Variants in MAP4 observed in about 807,000 individuals in gnomAD.
MAP4 encodes the protein microtubule associated protein 4, also known as microtubule-associated protein 4.
In MAP4, 76 loss-of-function variants were observed where a neutral mutation model predicts 170.2. The ratio of observed to expected loss-of-function variants is 0.45; its 90% CI spans 0.37 to 0.54. MAP4 has a LOEUF of 0.54. Ranked by LOEUF, MAP4 falls within the 20% of genes least tolerant of loss-of-function variation. MAP4 has a pLI of 0.00. For missense variants in MAP4, 2,506 were observed against 2,748.0 expected (o/e 0.91, Z 1.97); for synonymous variants, 909 against 994.5 (o/e 0.91, Z 1.62).
intron 3 of MAP4, chr3:47,973,923 T>C (rs2154254799): frequency 1.0e-6 from 1 of 985,326 alleles, no homozygotes; most frequent in East Asian, 1.1e-4. Context: ...GCATAACCTC[T>C]TTCCTTTAAA....
intron 1 of MAP4, among the ~76,000 whole-genome samples, chr3:48,023,993 A>G (rs1034706104): frequency 6.6e-6 from 1 of 152,192 alleles, no homozygotes; most frequent in Non-Finnish European, 1.5e-5. Context: ...ATGCAACAGG[A>G]GAAAGTATTT....
chr3:48,080,410 T>C (rs1341174392), intron 1 of MAP4, among the ~76,000 whole-genome samples: 1 of 152,246 alleles, frequency 6.6e-6, no homozygotes, highest in Non-Finnish European at 1.5e-5. Flanking sequence ...TCAATACTGC[T>C]GAAAGTATTT....
intron 4 of MAP4, among the ~76,000 whole-genome samples, chr3:47,925,022 G>C (rs2100045013): frequency 6.6e-6 from 1 of 152,134 alleles, no homozygotes; most frequent in Non-Finnish European, 1.5e-5. Flanking sequence ...ATGTTGGCCA[G>C]GATGGTCTCC....
At chr3:47,948,517 G>A (rs931390849) in intron 3 of MAP4, among the ~76,000 whole-genome samples, 9 of 151,308 alleles carry the variant, frequency 5.9e-5, no homozygotes, top group South Asian at 4.2e-4. Context: ...GAGTCACCAC[G>A]CCCAACCCAT....
At chr3:47,900,708 C>T (rs2100029546) in intron 10 of MAP4, among the ~76,000 whole-genome samples, 1 of 152,132 alleles carries the variant, frequency 6.6e-6, no homozygotes. Flanking sequence ...TGCACTCCAG[C>T]CTGGGCTACA....
intron 1 of MAP4, among the ~76,000 whole-genome samples, chr3:48,024,977 G>A (rs1173209111): frequency 2.0e-5 from 3 of 146,898 alleles, no homozygotes; most frequent in Non-Finnish European, 2.9e-5. Context: ...TTTTGAAGCA[G>A]GGTCTCACTC....
intron 1 of MAP4, among the ~76,000 whole-genome samples, chr3:48,006,474 TC>T (rs1450646235): frequency 3.9e-5 from 6 of 152,044 alleles, no homozygotes; most frequent in Non-Finnish European, 8.8e-5. Flanking sequence ...GCCCAGTGGG[TC>T]CCTGGACTCA....
chr3:48,008,841 C>T (rs914823980), intron 1 of MAP4, among the ~76,000 whole-genome samples: 7 of 152,180 alleles, frequency 4.6e-5, no homozygotes, highest in South Asian at 2.1e-4. Flanking sequence ...CCAAGGCTGA[C>T]CTGGCTACGG....
rs2047971637 is a variant in MAP4 at position 47,853,363 on chromosome 3, A to G, written c.6697-11T>C. On this transcript the variant is annotated splice_polypyrimidine_tract_variant and intron_variant, in intron 19 of 20. Coordinates refer to ENST00000683076, the MANE Select transcript of MAP4 (RefSeq NM_001385682.1). Reference sequence around the variant, plus strand: ...GCCACCGCCCTCAGTCTACAATGAAACAGTGGGGGAGACAGTGCAGGGTCA... The same window carrying G: ...GCCACCGCCCTCAGTCTACAATGAAGCAGTGGGGGAGACAGTGCAGGGTCA... 6.3e-7 allele frequency: 1 copy of G among 1,586,484 alleles called. No homozygotes were observed. Among genetic ancestry groups the G allele is most frequent in the Non-Finnish European group, 8.6e-7 (1 of 1,167,036 alleles).
intron 2 of MAP4, among the ~76,000 whole-genome samples, chr3:47,983,041 A>G (rs960916251): frequency 4.6e-5 from 7 of 151,932 alleles, no homozygotes; most frequent in Non-Finnish European, 8.8e-5. Flanking sequence ...GGTAGCTGGG[A>G]CTACAGGCGT....
chr3:48,062,400 C>G (rs1440930293), intron 1 of MAP4, among the ~76,000 whole-genome samples: 1 of 148,248 alleles, frequency 6.7e-6, no homozygotes, highest in Non-Finnish European at 1.5e-5. Context: ...AACCAGAGAC[C>G]TTTGTTCACT....
At chr3:48,052,518 T>C (rs1024826563) in intron 1 of MAP4, among the ~76,000 whole-genome samples, 2 of 152,166 alleles carry the variant, frequency 1.3e-5, no homozygotes, top group African/African-American at 4.8e-5. Flanking sequence ...CACCGCGTCC[T>C]GCCTGAGTAA....
rs756153345 is a variant in MAP4 at position 48,074,725 on chromosome 3, T to TGTGTGTGTGTGA, written c.-20+14047_-20+14048insTCACACACACAC. ...GTGTGTGTGTGTGTGTGTGTGTGTG[T>TGTGTGTGTGTGA]GATATGTCGGCCAGACTGGTCTCGA... is the stretch of plus-strand genomic sequence containing the variant. On this transcript the variant is annotated intron_variant, in intron 1 of 18. Transcript: ENST00000360240. Among the ~76,000 whole-genome samples the TGTGTGTGTGTGA allele has an allele frequency of 2.9e-3, 421 of 147,336 alleles. 5 individuals carry two copies. Among genetic ancestry groups the TGTGTGTGTGTGA allele is most frequent in the African/African-American group, 8.9e-3 (349 of 39,276 alleles).
At chr3:48,056,448 A>G (rs1579635673) in intron 1 of MAP4, among the ~76,000 whole-genome samples, 5 of 78,246 alleles carry the variant, frequency 6.4e-5, no homozygotes, top group African/African-American at 1.0e-4. Context: ...TGGGGGGGTC[A>G]GCCCCCCGCC....
chr3:47,983,687 C>T (rs773583033), intron 2 of MAP4, among the ~76,000 whole-genome samples: 15 of 152,012 alleles, frequency 9.9e-5, no homozygotes, highest in Non-Finnish European at 1.8e-4. Flanking sequence ...CACGCCCAGA[C>T]AATTCTATTT....
At chr3:48,061,009 TA>T (rs1446480394) in intron 1 of MAP4, among the ~76,000 whole-genome samples, 2 of 151,916 alleles carry the variant, frequency 1.3e-5, no homozygotes, top group Non-Finnish European at 2.9e-5. Flanking sequence ...CACGCCCGGC[TA>T]ATTTTTTTGT....
intron 3 of MAP4, among the ~76,000 whole-genome samples, chr3:47,968,665 C>T (rs1363728345): frequency 6.6e-6 from 1 of 152,000 alleles, no homozygotes; most frequent in Non-Finnish European, 1.5e-5. Flanking sequence ...CAATCACTAA[C>T]ATAACCTTCT....
chr3:47,902,866 T>G (rs935945886), intron 10 of MAP4, 84 bp downstream of exon 10: 1 of 542,024 alleles, frequency 1.8e-6, no homozygotes, highest in African/African-American at 2.1e-5. Flanking sequence ...CTGAGCATAT[T>G]TTATTTATGT....
intron 10 of MAP4, among the ~76,000 whole-genome samples, chr3:47,883,157 T>C (rs753420616): frequency 3.3e-5 from 5 of 152,118 alleles, no homozygotes; most frequent in Non-Finnish European, 7.3e-5. Flanking sequence ...AAGCACTACA[T>C]CAGATGGCAT....
Sources: gnomAD v4.1 joint callset for allele counts (sites outside exome capture counted in the v4.1 genomes callset) on GRCh38, gnomAD v4.1.1 for gene constraint, MANE v1.5 for transcripts, NCBI Gene and HGNC (gene_info 2026-07-23, HGNC 2026-07-21) for gene names.